Variants in CNOT1 observed in about 807,000 individuals in gnomAD.
CNOT1 encodes CCR4-NOT transcription complex subunit 1.
Under a neutral mutation model 273.8 loss-of-function variants are expected in CNOT1, and 15 were observed. The observed-to-expected ratio is 0.05, with a 90% CI of 0.04 to 0.08. CNOT1 has a LOEUF of 0.08. Among genes scored for constraint, CNOT1 ranks in the 10% least tolerant of loss-of-function variants. CNOT1 has a pLI of 1.00. For synonymous variants in CNOT1, 1,022 were observed against 1,005.5 expected (o/e 1.02, Z -0.31); for missense variants, 1,644 against 2,912.2 (o/e 0.56, Z 10.02).
intron 42 of CNOT1, among the ~76,000 whole-genome samples, chr16:58,531,170 T>G (rs2039768520): frequency 6.6e-6 from 1 of 152,232 alleles, no homozygotes; most frequent in Non-Finnish European, 1.5e-5. Context: ...AATTAATTCT[T>G]GGATAATTGC....
intron 40 of CNOT1, among the ~76,000 whole-genome samples, chr16:58,533,682 G>A (rs12709001): frequency 0.39 from 58,986 of 151,474 alleles, 12,810 homozygotes; most frequent in African/African-American, 0.59. Context: ...AAAATTAGCC[G>A]GGCATGTTGG....
chr16:58,555,649 G>C, intron 20 of CNOT1, 112 bp from the exon 21 acceptor site: 3 of 1,538,160 alleles, frequency 2.0e-6, no homozygotes, highest in South Asian at 2.6e-5. Flanking sequence ...AAAAGAGCTT[G>C]AGACAAATAT....
rs1483710485 is a variant in CNOT1, at chr16:58,547,651, T to C, written c.3554A>G (p.Asn1185Ser). Residue 1185 changes from asparagine (N) to serine (S), a missense_variant, in exon 26 of 49, where the codon AAT (asparagine) becomes AGT (serine). By Grantham distance (46) the Asn-to-Ser change is conservative (BLOSUM62 1). Coordinates refer to ENST00000317147, the MANE Select transcript of CNOT1 (RefSeq NM_016284.5). The surrounding 1 kb of genome is among the most constrained non-coding windows in gnomAD (Gnocchi z 4.0). ...CTTCAGCAAAGAACGATCTGAGAAA[T>C]TGGCTGCAGCTTTATCAGAGGTCAG... ...VLLTSDKAAANFSDRSLLKNL... is the reference protein window; with the variant it reads ...VLLTSDKAAASFSDRSLLKNL... The C allele has an allele frequency of 1.9e-6, 3 of 1,613,702 alleles. No homozygotes were observed. Among genetic ancestry groups the C allele is most frequent in the Admixed American group, 1.7e-5 (1 of 59,986 alleles).
At chr16:58,600,166 G>A (rs1432252455) in intron 1 of CNOT1, among the ~76,000 whole-genome samples, 1 of 151,686 alleles carries the variant, frequency 6.6e-6, no homozygotes, top group Non-Finnish European at 1.5e-5. Flanking sequence ...CCAACATGGT[G>A]AAACCCCGTC....
intron 13 of CNOT1, 97 bp from the exon 14 acceptor site, chr16:58,576,679 A>G: frequency 6.5e-7 from 1 of 1,535,572 alleles, no homozygotes; most frequent in African/African-American, 1.4e-5. Context: ...CTTGTATAAA[A>G]ATCAGGTATA....
At chr16:58,537,334 G>A (rs998157877) in intron 38 of CNOT1, 114 bp from the exon 39 acceptor site, 1 of 1,419,850 alleles carries the variant, frequency 7.0e-7, no homozygotes, top group Non-Finnish European at 9.3e-7. Context: ...TTACCACTTC[G>A]CTTTACCACT....
chr16:58,626,807 CT>C (rs2043605190), intron 1 of CNOT1, among the ~76,000 whole-genome samples: 1 of 151,506 alleles, frequency 6.6e-6, no homozygotes, highest in Non-Finnish European at 1.5e-5. Context: ...GGACAAAATA[CT>C]CATAACAAAT....
At chr16:58,572,783 C>A (rs2041319949) in intron 16 of CNOT1, among the ~76,000 whole-genome samples, 1 of 151,212 alleles carries the variant, frequency 6.6e-6, no homozygotes, top group Non-Finnish European at 1.5e-5. Context: ...TGGCATGTCT[C>A]TATAGTCCAA....
At chr16:58,522,226 C>T (rs1186391540) in intron 47 of CNOT1, among the ~76,000 whole-genome samples, 3 of 117,378 alleles carry the variant, frequency 2.6e-5, no homozygotes, top group African/African-American at 3.6e-5. Context: ...GGCGACAAAG[C>T]GAGACTGTCT....
chr16:58,569,312 G>A (rs1310671468), intron 16 of CNOT1, among the ~76,000 whole-genome samples: 2 of 152,106 alleles, frequency 1.3e-5, no homozygotes, highest in South Asian at 2.1e-4. Flanking sequence ...TAGTGGATAC[G>A]GAGTTTTGCC....
In CNOT1 at chr16:58,549,859, G is replaced by T. The variant is rs113426941; in HGVS notation, c.3382C>A (p.Pro1128Thr). Residue 1128 changes from proline to threonine, a missense_variant, in exon 25 of 49, where the codon CCT (proline) becomes ACT (threonine). Pro to Thr is a conservative substitution (Grantham distance 38, BLOSUM62 -1). Transcript: ENST00000317147. ...ATAACCAGATACTGTGAAACCCAAG[G>T]CATAAATTCTTCTTTCACCGTTTCC... is the stretch of plus-strand genomic sequence containing the variant. ...LKETVKEEFM[P>T]WVSQYLVMKR... 1 of 1,613,866 alleles carries T rather than the reference G, an allele frequency of 6.2e-7. No homozygotes were observed. Among genetic ancestry groups the T allele is most frequent in the Admixed American group, 1.7e-5 (1 of 59,976 alleles).
intron 1 of CNOT1, among the ~76,000 whole-genome samples, chr16:58,620,151 A>C (rs1041521579): frequency 6.6e-6 from 1 of 152,188 alleles, no homozygotes. Context: ...TCAACTGTAT[A>C]TATGCACTGG....
At chr16:58,574,798 G>C in intron 15 of CNOT1, 38 bp from the exon 16 acceptor site, 1 of 1,579,042 alleles carries the variant, frequency 6.3e-7, no homozygotes, top group Non-Finnish European at 8.5e-7. Flanking sequence ...ATTTAAAATT[G>C]ATCTTAAATG....
In CNOT1 at chr16:58,545,474, C is replaced by T. The variant is rs199650674; in HGVS notation, c.4024G>A (p.Ala1342Thr). Residue 1342 changes from alanine to threonine, a missense_variant, in exon 30 of 49, where the codon GCT (alanine) becomes ACT (threonine). Coordinates refer to ENST00000317147, the MANE Select transcript of CNOT1 (RefSeq NM_016284.5). The stretch of plus-strand genomic sequence containing the variant: ...GTGGCTGTACAAGTGGTGTTGGTAG[C>T]TGGTGTAGTAGAAGTTGCTAAATGT... Reference protein sequence around the residue: ...ITTTTTSTTPATNTTCTATVP... With the variant: ...ITTTTTSTTPTTNTTCTATVP... 6.2e-7 allele frequency: 1 copy of T among 1,613,930 alleles called. No individual in the cohort carries two copies. The highest frequency in any genetic ancestry group is 2.2e-5 in the East Asian group (1 of 44,878).
chr16:58,621,245 G>A (rs1450929789), intron 1 of CNOT1, among the ~76,000 whole-genome samples: 4 of 152,018 alleles, frequency 2.6e-5, no homozygotes. Context: ...TTGCAGGCGT[G>A]AGCCACTGCG....
At chr16:58,624,860 A>C (rs1454669872) in intron 1 of CNOT1, 1 of 152,122 alleles carries the variant, frequency 6.6e-6, no homozygotes, top group African/African-American at 2.4e-5. Context: ...TACACCTCTA[A>C]TTACTGCCTT....
chr16:58,554,983 A>G (rs1314750200), intron 21 of CNOT1, among the ~76,000 whole-genome samples: 1 of 145,870 alleles, frequency 6.9e-6, no homozygotes, highest in Non-Finnish European at 1.5e-5. Context: ...GGCTCACACC[A>G]ATAATCCCAG....
chr16:58,526,233 T>C (rs2039575317), intron 44 of CNOT1, 95 bp from the exon 45 acceptor site: 1 of 1,304,292 alleles, frequency 7.7e-7, no homozygotes, highest in African/African-American at 1.5e-5. Flanking sequence ...TCTAAAACTA[T>C]ATACACTATA....
At chr16:58,579,094 T>C (rs1201164628) in intron 12 of CNOT1, among the ~76,000 whole-genome samples, 155 bp from the exon 13 acceptor site, 4 of 152,238 alleles carry the variant, frequency 2.6e-5, no homozygotes, top group East Asian at 1.9e-4. Flanking sequence ...CTTTAAGAAT[T>C]ATTTTTGCCC....
Sources: gnomAD v4.1 joint callset for allele counts (sites outside exome capture counted in the v4.1 genomes callset) on GRCh38, gnomAD v4.1.1 for gene constraint, Gnocchi (gnomAD v3.1) non-coding constraint, MANE v1.5 for transcripts, NCBI Gene and HGNC (gene_info 2026-07-23, HGNC 2026-07-21) for gene names.